DOCK8: variants seen among roughly 807,000 people sequenced by gnomAD.
DOCK8 encodes the protein dedicator of cytokinesis 8.
In DOCK8, 141 loss-of-function variants were observed where a neutral mutation model predicts 245.6. The ratio of observed to expected loss-of-function variants is 0.57; its 90% CI spans 0.50 to 0.66. The LOEUF (loss-of-function observed/expected upper bound fraction) is 0.66, where lower values mean the gene tolerates loss of function less well. Among genes scored for constraint, DOCK8 ranks in the 30% least tolerant of loss-of-function variants. The probability of loss-of-function intolerance (pLI) is 0.00; values close to 1 mark genes in which losing one functional copy is unlikely to be tolerated. For synonymous variants in DOCK8, 1,168 were observed against 970.2 expected (o/e 1.20, Z -3.79); for missense variants, 2,965 against 2,603.4 (o/e 1.14, Z -3.02).
chr9:306,452 A>T (rs2049832463), intron 5 of DOCK8, among the ~76,000 whole-genome samples: 1 of 152,212 alleles, frequency 6.6e-6, no homozygotes, highest in African/African-American at 2.4e-5. Flanking sequence ...TCTTAATGTT[A>T]GTCAGATAGA....
intron 4 of DOCK8, among the ~76,000 whole-genome samples, chr9:297,305 C>T (rs1024448769): frequency 6.6e-6 from 1 of 152,156 alleles, no homozygotes; most frequent in Non-Finnish European, 1.5e-5. Context: ...CATTAAGGAG[C>T]CAGCGTCTGC....
chr9:339,157 A>C, intron 13 of DOCK8, 58 bp downstream of exon 13: 1 of 1,420,600 alleles, frequency 7.0e-7, no homozygotes, highest in Admixed American at 1.7e-5. Context: ...ATCGTTAGAC[A>C]CAGTCTTTGT....
chr9:282,557 A>G (rs79837119), intron 2 of DOCK8, among the ~76,000 whole-genome samples: 32,490 of 150,878 alleles, frequency 0.22, 3,933 homozygotes, highest in Non-Finnish European at 0.26. Context: ...AGCCAGCAGT[A>G]TAGGTGGTGT....
chr9:257,684 A>C lies in DOCK8; in HGVS notation c.54-13943A>C, dbSNP rs538786668. 9.2e-5 allele frequency among the ~76,000 whole-genome samples: 14 copies of C among 152,100 alleles called. No individual in the cohort carries two copies. In the South Asian group the frequency reaches 2.7e-3, roughly 29 times the overall value. On this transcript the variant is annotated intron_variant, in intron 1 of 47. Transcript: ENST00000432829. ...ACAGGCATGTGCCACCAGCCCAGCT[A>C]ATTTTTGTATTTTTCGTAGAGACGG... is the stretch of plus-strand genomic sequence containing the variant.
intron 18 of DOCK8, among the ~76,000 whole-genome samples, chr9:374,046 C>T (rs1277864230): frequency 6.6e-6 from 1 of 152,170 alleles, no homozygotes; most frequent in South Asian, 2.1e-4. Context: ...CTCTGAGTCT[C>T]GAAGATGAAA....
rs746838095 is a variant in DOCK8 at position 420,962 on chromosome 9, C to G, written c.4037C>G (p.Ser1346Cys). Residue 1346 changes from serine to cysteine, a missense_variant, in exon 32 of 48, where the codon TCT becomes TGT. Ser to Cys is a moderately radical substitution (Grantham distance 112). Coordinates refer to ENST00000432829, the MANE Select transcript of DOCK8 (RefSeq NM_203447.4). ...LCFEYKGKQS[S>C]DKVSTQVLQK... ...TGTCTTGTCCAGGGAAAACAGAGTT[C>G]TGACAAAGTCAGTACCCAAGTCCTG... 12 of 1,614,086 alleles carry G rather than the reference C, an allele frequency of 7.4e-6. No homozygotes were observed. The African/African-American group carries it at 1.5e-4, about 20-fold the overall frequency.
intron 1 of DOCK8, among the ~76,000 whole-genome samples, chr9:223,379 A>G (rs776979845): frequency 1.2e-3 from 188 of 152,186 alleles, no homozygotes; most frequent in Non-Finnish European, 2.3e-3. Flanking sequence ...CCAGAAATAC[A>G]AAGACAAGTG....
At chr9:220,332 G>A (rs1406137020) in intron 1 of DOCK8, among the ~76,000 whole-genome samples, 1 of 152,168 alleles carries the variant, frequency 6.6e-6, no homozygotes. Context: ...TTCATTTGGA[G>A]TTCTTTGAGT....
chr9:371,589 A>G, intron 17 of DOCK8, 23 bp downstream of exon 17: 1 of 1,613,896 alleles, frequency 6.2e-7, no homozygotes, highest in African/African-American at 1.3e-5. Flanking sequence ...CAGCCTGCTG[A>G]CTCACACTGC....
intron 25 of DOCK8, among the ~76,000 whole-genome samples, chr9:398,101 C>T (rs964536448): frequency 1.2e-4 from 18 of 152,174 alleles, no homozygotes; most frequent in Admixed American, 5.9e-4. Context: ...TCATGGCAAA[C>T]TTTGTTGGAA....
At chr9:397,807 TG>T (rs1285426890) in intron 25 of DOCK8, among the ~76,000 whole-genome samples, 1 of 152,206 alleles carries the variant, frequency 6.6e-6, no homozygotes, top group African/African-American at 2.4e-5. Flanking sequence ...CAGAAAAAAA[TG>T]TTTTTATGTT....
chr9:392,933 A>G (rs2054267202), intron 24 of DOCK8, among the ~76,000 whole-genome samples: 2 of 151,908 alleles, frequency 1.3e-5, no homozygotes, highest in Non-Finnish European at 2.9e-5. Context: ...CAAAAATGAA[A>G]AAATTACCTG....
intron 16 of DOCK8, among the ~76,000 whole-genome samples, chr9:370,743 A>G (rs2053250154): frequency 6.6e-6 from 1 of 152,148 alleles, no homozygotes; most frequent in Non-Finnish European, 1.5e-5. Flanking sequence ...CCACCGGCAA[A>G]TGGAGTCATG....
upstream of DOCK8, chr9:214,697 C>G: frequency 1.3e-6 from 2 of 1,567,002 alleles, no homozygotes; most frequent in Admixed American, 1.9e-5. Context: ...CGCCGTCTGC[C>G]CCAGTATCGG....
At chr9:450,038 C>T (rs2131868144) in intron 45 of DOCK8, 111 bp downstream of exon 45, 1 of 1,234,192 alleles carries the variant, frequency 8.1e-7, no homozygotes, top group East Asian at 2.4e-5. Context: ...CATAGACAAA[C>T]ACAGAAATGT....
At chr9:378,807 G>A (rs572030387) in intron 20 of DOCK8, among the ~76,000 whole-genome samples, 1 of 152,258 alleles carries the variant, frequency 6.6e-6, no homozygotes, top group African/African-American at 2.4e-5. Flanking sequence ...CCTATTCTGT[G>A]TCTCTGCAAT....
intron 9 of DOCK8, among the ~76,000 whole-genome samples, chr9:328,460 T>A (rs1251652287): frequency 6.6e-6 from 1 of 152,204 alleles, no homozygotes; most frequent in Non-Finnish European, 1.5e-5. Flanking sequence ...TCCTCATCTG[T>A]GAAGTGGAGA....
chr9:389,673 T>C (rs1235529309), intron 23 of DOCK8, among the ~76,000 whole-genome samples: 1 of 152,056 alleles, frequency 6.6e-6, no homozygotes, highest in Non-Finnish European at 1.5e-5. Flanking sequence ...TCAGAATATC[T>C]GGGGGTGGGG....
intron 39 of DOCK8, among the ~76,000 whole-genome samples, chr9:435,683 T>G (rs1040442259): frequency 6.6e-6 from 1 of 152,216 alleles, no homozygotes; most frequent in African/African-American, 2.4e-5. Flanking sequence ...CTTCTTAGGA[T>G]AAGCTGAAAA....
Sources: gnomAD v4.1 joint callset for allele counts (sites outside exome capture counted in the v4.1 genomes callset) on GRCh38, gnomAD v4.1.1 for gene constraint, MANE v1.5 for transcripts, NCBI Gene and HGNC (gene_info 2026-07-23, HGNC 2026-07-21) for gene names.